Variants in SHANK2 observed in about 807,000 individuals in gnomAD.
SHANK2 encodes SH3 and multiple ankyrin repeat domains 2.
SHANK2 carries 43 observed loss-of-function variants against 133.7 expected under a neutral mutation model. That is an observed-to-expected ratio of 0.32 (90% CI 0.25 to 0.41). The LOEUF (loss-of-function observed/expected upper bound fraction) is 0.41. Among genes scored for constraint, SHANK2 ranks in the 10% least tolerant of loss-of-function variants. SHANK2 has a pLI of 1.00. For synonymous variants in SHANK2, 1,017 were observed against 952.8 expected (o/e 1.07, Z -1.24); for missense variants, 1,994 against 2,235.8 (o/e 0.89, Z 2.18).
intron 11 of SHANK2, among the ~76,000 whole-genome samples, chr11:70,828,509 C>G (rs782391642): frequency 1.3e-5 from 2 of 152,386 alleles, no homozygotes; most frequent in South Asian, 4.1e-4. Context: ...TGCACCTCCT[C>G]GGACACTCTG....
chr11:70,717,403 G>A (rs1450787452), intron 14 of SHANK2, among the ~76,000 whole-genome samples: 1 of 152,190 alleles, frequency 6.6e-6, no homozygotes, highest in African/African-American at 2.4e-5. Context: ...ATGCAACTGA[G>A]AAGCCTGTTT....
chr11:70,502,734 C>G, intron 18 of SHANK2, 62 bp downstream of exon 18: 13 of 679,542 alleles, frequency 1.9e-5, no homozygotes, highest in Middle Eastern at 5.2e-4. Flanking sequence ...CTGTCCTGCC[C>G]GCCCCCACCC....
intron 2 of SHANK2, among the ~76,000 whole-genome samples, chr11:71,204,719 A>C (rs565518190): frequency 6.6e-6 from 1 of 152,296 alleles, no homozygotes; most frequent in South Asian, 2.1e-4. Flanking sequence ...CCAGAGACAC[A>C]GAAAACAAGA....
chr11:71,239,906 C>A (rs1954867394), intron 1 of SHANK2, among the ~76,000 whole-genome samples: 3 of 152,196 alleles, frequency 2.0e-5, no homozygotes, highest in Admixed American at 2.0e-4. Flanking sequence ...CAGGCACAGG[C>A]TACGTCTCGC....
rs139795186 is a variant in SHANK2 at position 70,519,967 on chromosome 11, C to G, written c.2062-17036G>C. Among the ~76,000 whole-genome samples, 906 of 148,322 alleles carry G rather than the reference C, an allele frequency of 6.1e-3. 5 individuals are homozygous for G. Among genetic ancestry groups the G allele is most frequent in the African/African-American group, 0.021 (837 of 40,164 alleles). ...CTCACCATGTTGCCCAGGCTGGTCT[C>G]AAACTCCTGGGCTCAAGCAATCTGC... On this transcript the variant is annotated intron_variant, in intron 17 of 25. Transcript: ENST00000601538.
At chr11:70,666,630 C>A (rs539435997) in intron 15 of SHANK2, among the ~76,000 whole-genome samples, 30 of 152,202 alleles carry the variant, frequency 2.0e-4, no homozygotes, top group Non-Finnish European at 3.4e-4. Flanking sequence ...CCAGCAGACC[C>A]ACTCTCCACA....
intron 11 of SHANK2, among the ~76,000 whole-genome samples, chr11:70,884,573 GA>G (rs1949707905): frequency 1.3e-5 from 2 of 152,306 alleles, no homozygotes; most frequent in African/African-American, 4.8e-5. Context: ...GGTTCATGGT[GA>G]CCGGATTGGA....
At chr11:70,756,456 C>T (rs997426592) in intron 14 of SHANK2, among the ~76,000 whole-genome samples, 3 of 152,164 alleles carry the variant, frequency 2.0e-5, no homozygotes, top group Non-Finnish European at 2.9e-5. Context: ...GAAGCCCCCA[C>T]GCTGCCTGGC....
At chr11:70,906,139 C>G (rs997592238) in intron 10 of SHANK2, among the ~76,000 whole-genome samples, 4 of 152,194 alleles carry the variant, frequency 2.6e-5, no homozygotes, top group Admixed American at 2.6e-4. Flanking sequence ...ACAGCCTGAA[C>G]AGACAAAGAC....
chr11:70,609,204 C>T (rs2060621633), intron 17 of SHANK2, among the ~76,000 whole-genome samples: 1 of 152,228 alleles, frequency 6.6e-6, no homozygotes, highest in Admixed American at 6.5e-5. Flanking sequence ...GGCTCCGGGA[C>T]GGCCCACCCA....
intron 10 of SHANK2, among the ~76,000 whole-genome samples, chr11:70,901,903 G>C (rs1317747402): frequency 1.3e-5 from 2 of 152,212 alleles, no homozygotes; most frequent in African/African-American, 4.8e-5. Flanking sequence ...GGCATCGACT[G>C]GTAAGTCATG....
At chr11:70,625,031 A>C (rs1554999465) in intron 17 of SHANK2, among the ~76,000 whole-genome samples, 1 of 152,206 alleles carries the variant, frequency 6.6e-6, no homozygotes, top group Non-Finnish European at 1.5e-5. Context: ...GACCACCCTC[A>C]GGTTTGGTGA....
chr11:70,731,156 C>T (rs574021348), intron 14 of SHANK2, among the ~76,000 whole-genome samples: 3 of 152,232 alleles, frequency 2.0e-5, no homozygotes, highest in Admixed American at 1.3e-4. Flanking sequence ...GGATTAGAGT[C>T]CTTATAAGAA....
At chr11:70,723,599 C>T (rs1946113550) in intron 14 of SHANK2, among the ~76,000 whole-genome samples, 1 of 152,188 alleles carries the variant, frequency 6.6e-6, no homozygotes, top group African/African-American at 2.4e-5. Context: ...TCTCTCCTAA[C>T]CCAAAGACAC....
chr11:70,849,133 A>G (rs782658692), intron 11 of SHANK2, among the ~76,000 whole-genome samples: 95 of 152,138 alleles, frequency 6.2e-4, no homozygotes, highest in Non-Finnish European at 1.1e-3. Flanking sequence ...CCAGGACACA[A>G]GGCACAATTA....
chr11:70,494,203 A>G (rs76883530), intron 21 of SHANK2, among the ~76,000 whole-genome samples: 54 of 152,236 alleles, frequency 3.5e-4, no homozygotes, highest in African/African-American at 1.3e-3. Context: ...TCTGACACCT[A>G]TGGACACTCT....
chr11:71,061,185 A>C (rs939354319), intron 9 of SHANK2, among the ~76,000 whole-genome samples: 2 of 152,262 alleles, frequency 1.3e-5, no homozygotes, highest in Non-Finnish European at 2.9e-5. Context: ...CTAATCCTGC[A>C]CATCTAATTT....
intron 15 of SHANK2, among the ~76,000 whole-genome samples, chr11:70,665,569 C>G (rs552244079): frequency 1.3e-5 from 2 of 152,194 alleles, no homozygotes; most frequent in Non-Finnish European, 2.9e-5. Flanking sequence ...AGGACTGTTT[C>G]TAACTTCTCT....
chr11:70,528,702 CG>C (rs1352877396), intron 17 of SHANK2, among the ~76,000 whole-genome samples: 1 of 151,840 alleles, frequency 6.6e-6, no homozygotes, highest in East Asian at 2.0e-4. Flanking sequence ...CGGGTCAGCT[CG>C]CCGGCTCCCC....
Sources: gnomAD v4.1 joint callset for allele counts (sites outside exome capture counted in the v4.1 genomes callset) on GRCh38, gnomAD v4.1.1 for gene constraint, MANE v1.5 for transcripts, NCBI Gene and HGNC (gene_info 2026-07-23, HGNC 2026-07-21) for gene names.